EBF3: variants seen among roughly 807,000 people sequenced by gnomAD.
EBF3 encodes the protein EBF transcription factor 3, also known as transcription factor COE3.
EBF3 carries 18 observed loss-of-function variants against 77.1 expected under a neutral mutation model. The observed-to-expected ratio is 0.23, with a 90% CI of 0.16 to 0.35. The LOEUF (loss-of-function observed/expected upper bound fraction) is 0.35, where lower values mean the gene tolerates loss of function less well. Ranked by LOEUF, EBF3 falls within the 10% of genes least tolerant of loss-of-function variation. The probability of loss-of-function intolerance (pLI) is 1.00; values close to 1 mark genes in which losing one functional copy is unlikely to be tolerated. For missense variants in EBF3, 558 were observed against 860.0 expected, an observed-to-expected ratio of 0.65 and a Z score of 4.39; for synonymous variants, 350 against 343.5, an observed-to-expected ratio of 1.02 and a Z score of -0.21.
At chr10:129,849,723 C>T (rs991871657) in intron 10 of EBF3, among the ~76,000 whole-genome samples, 5 of 152,214 alleles carry the variant, frequency 3.3e-5, no homozygotes, top group African/African-American at 9.6e-5. Context: ...AAGGTCCGCA[C>T]AGGAATGTGA....
chr10:129,844,675 G>C (rs556397801), intron 11 of EBF3, among the ~76,000 whole-genome samples: 1 of 152,186 alleles, frequency 6.6e-6, no homozygotes, highest in South Asian at 2.1e-4. Context: ...ACTTAATCCA[G>C]AAAGTTCCCG....
rs1308883940 is a variant in EBF3 at position 129,938,759 on chromosome 10, T to C, written c.554+18499A>G. On this transcript the variant is annotated intron_variant, in intron 6 of 16. Transcript: ENST00000440978. This position sits in a 1 kb window ranked among gnomAD's most constrained non-coding sequence, Gnocchi z 5.1. ...TGTGCTCCAAGCAAGTCAAGGCCAT[T>C]GAGTCAATAGGGGCAAGATGTTACA... Among the ~76,000 whole-genome samples the C allele has an allele frequency of 6.6e-6, 1 of 152,088 alleles. No homozygotes were observed. The highest frequency in any genetic ancestry group is 2.4e-5 in the African/African-American group (1 of 41,418).
Position 129,840,960 on chromosome 10 carries a change from T to C in EBF3, c.1445A>G (p.Asn482Ser). Residue 482 changes from asparagine to serine, a missense_variant, in exon 14 of 17, where the codon AAT (asparagine) becomes AGT (serine). Physicochemically the swap from Asn to Ser is conservative, Grantham distance 46. This residue lies in a region of EBF3 where 284 missense variants were observed against 368.3 expected (regional missense o/e 0.77). Transcript: ENST00000440978. Reference protein sequence around the residue: ...YVPSSTPQQSNYNTVSTSMNG... With the variant: ...YVPSSTPQQSSYNTVSTSMNG... Reference sequence around the variant, plus strand: ...CATGCTAGTGCTGACTGTGTTGTAATTGGACTGCTGGGGAGTACTGCTGGG... The same window carrying C: ...CATGCTAGTGCTGACTGTGTTGTAACTGGACTGCTGGGGAGTACTGCTGGG... 6.2e-7 allele frequency: 1 copy of C among 1,613,748 alleles called. No individual in the cohort carries two copies.
chr10:129,896,544 G>T (rs1854396410), intron 6 of EBF3, among the ~76,000 whole-genome samples: 1 of 152,198 alleles, frequency 6.6e-6, no homozygotes, highest in Non-Finnish European at 1.5e-5. Flanking sequence ...GGCCCTTGGG[G>T]GCTGCCCCTG....
chr10:129,936,780 G>A (rs1224657073), intron 6 of EBF3, among the ~76,000 whole-genome samples: 1 of 152,056 alleles, frequency 6.6e-6, no homozygotes. Context: ...GGCTGTGGGG[G>A]GACCCTCAGC....
At chr10:129,840,136 A>T in intron 15 of EBF3, 109 bp downstream of exon 15, 2 of 1,386,476 alleles carry the variant, frequency 1.4e-6, no homozygotes, top group South Asian at 2.8e-5. Context: ...ACGGGAGAAC[A>T]TGCAGCAGTC....
In EBF3 at chr10:129,841,316, C is replaced by G. The variant is rs140801370; in HGVS notation, c.1373-284G>C. On this transcript the variant is annotated intron_variant, in intron 13 of 16. Transcript: ENST00000440978. This position sits in a 1 kb window ranked among gnomAD's most constrained non-coding sequence, Gnocchi z 4.6. ...CACGTTTCTCTTTAGAGGCAATTAT[C>G]AACAGCTTGGATTCCTGGTCTGTCC... Among the ~76,000 whole-genome samples the G allele has an allele frequency of 3.3e-5, 5 of 152,278 alleles. No homozygotes were observed. Among genetic ancestry groups the G allele is most frequent in the Non-Finnish European group, 7.4e-5 (5 of 68,020 alleles).
intron 11 of EBF3, among the ~76,000 whole-genome samples, chr10:129,846,107 TTTGTGTGTG>T (rs1194689851): frequency 9.3e-6 from 1 of 107,218 alleles, no homozygotes; most frequent in Non-Finnish European, 1.8e-5. Flanking sequence ...CATTCTGGGC[TTTGTGTGTG>T]TGTGTGTGTG....
chr10:129,906,725 T>C (rs542048775), intron 6 of EBF3, among the ~76,000 whole-genome samples: 6 of 152,250 alleles, frequency 3.9e-5, no homozygotes, highest in South Asian at 2.1e-4. Flanking sequence ...TTGAGAAGGG[T>C]TGGTGTATCC....
At chr10:129,871,959 G>A (rs1478497454) in intron 8 of EBF3, among the ~76,000 whole-genome samples, 1 of 152,116 alleles carries the variant, frequency 6.6e-6, no homozygotes, top group African/African-American at 2.4e-5. Context: ...TTGATTAGTT[G>A]GGTTTTATCT....
chr10:129,923,775 A>C (rs1856465929), intron 6 of EBF3, among the ~76,000 whole-genome samples: 2 of 152,224 alleles, frequency 1.3e-5, no homozygotes, highest in African/African-American at 4.8e-5. Context: ...CAGCAAAAGA[A>C]AAAAAATAGA....
At chr10:129,850,013 C>T (rs774498103) in intron 10 of EBF3, among the ~76,000 whole-genome samples, 12 of 152,254 alleles carry the variant, frequency 7.9e-5, no homozygotes, top group Non-Finnish European at 1.5e-4. Context: ...GAGTGTCAGG[C>T]AAAAGCATAG....
At chr10:129,902,988 T>C (rs910646280) in intron 6 of EBF3, among the ~76,000 whole-genome samples, 1 of 152,240 alleles carries the variant, frequency 6.6e-6, no homozygotes, top group African/African-American at 2.4e-5. Context: ...TGATTCTCCA[T>C]GAACTCACCA....
At position 129,944,437 on chromosome 10, in the gene EBF3, C is replaced by G. The variant is rs1355293877; in HGVS notation, c.554+12821G>C. ...ATGAGATCTGATTTCAATTGGTGAGCAAACCTGCAGAAGTTTTTAATCATA... is the reference window on the plus strand; with the variant it reads ...ATGAGATCTGATTTCAATTGGTGAGGAAACCTGCAGAAGTTTTTAATCATA... On this transcript the variant is annotated intron_variant, in intron 6 of 16. Transcript: ENST00000440978. This position sits in a 1 kb window ranked among gnomAD's most constrained non-coding sequence, Gnocchi z 5.1. Among the ~76,000 whole-genome samples the G allele has an allele frequency of 2.0e-5, 3 of 152,186 alleles. No individual in the cohort carries two copies. Among genetic ancestry groups the G allele is most frequent in the Admixed American group, 6.5e-5 (1 of 15,280 alleles).
At chr10:129,951,527 G>C (rs1441672356) in intron 6 of EBF3, among the ~76,000 whole-genome samples, 1 of 152,264 alleles carries the variant, frequency 6.6e-6, no homozygotes, top group East Asian at 1.9e-4. Context: ...GGGAATCCGA[G>C]TTGGTGGAGA....
Position 129,873,356 on chromosome 10 carries a change from G to A in EBF3, c.781+96C>T, listed in dbSNP as rs562979063. ...TGCAGGAGGTCTGACCAAGGGCGGG[G>A]GCCTGGTGAGAGTAACTCCACATGA... On this transcript the variant is annotated intron_variant, in intron 8 of 16. Transcript: ENST00000440978. 4.5e-6 allele frequency: 6 copies of A among 1,341,416 alleles called. No individual in the cohort carries two copies. In the South Asian group the frequency reaches 1.2e-4, roughly 26 times the overall value. 83.1% of individuals were successfully genotyped at this position (1,341,416 alleles called of 1,614,324 possible). A position where few individuals can be genotyped will look rare whatever the true frequency, so the allele number is the denominator to read the frequency against.
Position 129,885,549 on chromosome 10 carries a change from C to T in EBF3, c.555-7700G>A, listed in dbSNP as rs1479754337. ...AAATGTGAAGTGCACTATATTTACACTAGGGTTCTTGTTTCAAGTGCCTAT... is the reference window on the plus strand; with the variant it reads ...AAATGTGAAGTGCACTATATTTACATTAGGGTTCTTGTTTCAAGTGCCTAT... On this transcript the variant is annotated intron_variant, in intron 6 of 16. Transcript: ENST00000440978. The surrounding 1 kb of genome is among the most constrained non-coding windows in gnomAD (Gnocchi z 4.0). Among the ~76,000 whole-genome samples, 1 of 152,198 alleles carries T rather than the reference C, an allele frequency of 6.6e-6. No homozygotes were observed. The highest frequency in any genetic ancestry group is 6.5e-5 in the Admixed American group (1 of 15,284).
Position 129,935,317 on chromosome 10 carries a change from CG to C in EBF3, c.554+21940del, listed in dbSNP as rs1251562598. The stretch of plus-strand genomic sequence containing the variant: ...AGGCTTGGATCTGCCCAGTGACTGG[CG>C]GCCTGGGACCAGGGTGGCCCTGCCT... On this transcript the variant is annotated intron_variant, in intron 6 of 16. Coordinates refer to ENST00000440978, the MANE Select transcript of EBF3 (RefSeq NM_001375380.1). The surrounding 1 kb of genome is among the most constrained non-coding windows in gnomAD (Gnocchi z 4.2). Among the ~76,000 whole-genome samples, 2 of 152,128 alleles carry C rather than the reference CG, an allele frequency of 1.3e-5. No individual in the cohort carries two copies. Among genetic ancestry groups the C allele is most frequent in the Non-Finnish European group, 2.9e-5 (2 of 68,014 alleles).
rs1286987855 is a variant in EBF3 at position 129,861,876 on chromosome 10, T to C, written c.1039+5265A>G. Among the ~76,000 whole-genome samples, 1 of 152,192 alleles carries C rather than the reference T, an allele frequency of 6.6e-6. No individual in the cohort carries two copies. The highest frequency in any genetic ancestry group is 6.5e-5 in the Admixed American group (1 of 15,280). ...TTGCTCTGTGCATCCAAGTAATTTG[T>C]TTGAGGAGCACCGGCCTGGGAGACA... On this transcript the variant is annotated intron_variant, in intron 10 of 16. Coordinates refer to ENST00000440978, the MANE Select transcript of EBF3 (RefSeq NM_001375380.1). The surrounding 1 kb of genome is among the most constrained non-coding windows in gnomAD (Gnocchi z 4.3).
Sources: allele counts gnomAD v4.1 joint callset (sites outside exome capture counted in the v4.1 genomes callset), GRCh38; gene constraint gnomAD v4.1.1; regional missense constraint gnomAD v4.1.1; non-coding constraint Gnocchi (gnomAD v3.1); transcripts MANE v1.5; gene names NCBI Gene and HGNC (gene_info 2026-07-23, HGNC 2026-07-21).